Variants in DPP6 observed in about 807,000 individuals in gnomAD.
The protein encoded by DPP6 is A-type potassium channel modulatory protein DPP6.
DPP6 carries 69 observed loss-of-function variants against 122.6 expected under a neutral mutation model. The ratio of observed to expected loss-of-function variants is 0.56; its 90% confidence interval spans 0.46 to 0.69. DPP6 has a LOEUF of 0.69. Ranked by LOEUF, DPP6 falls within the 30% of genes least tolerant of loss-of-function variation. The pLI is 0.00. For missense variants in DPP6, 928 were observed against 1,116.9 expected (o/e 0.83, Z 2.41); for synonymous variants, 418 against 433.1 (o/e 0.97, Z 0.43).
intron 7 of DPP6, among the ~76,000 whole-genome samples, chr7:154,684,484 CA>C (rs1839479957): frequency 6.6e-6 from 1 of 152,192 alleles, no homozygotes; most frequent in Admixed American, 6.5e-5. Context: ...AGATGAAAAT[CA>C]ATTACTTTTT....
At chr7:153,943,149 C>G (rs1022987110) in intron 1 of DPP6, among the ~76,000 whole-genome samples, 1 of 151,984 alleles carries the variant, frequency 6.6e-6, no homozygotes, top group African/African-American at 2.4e-5. Flanking sequence ...TAAAAAGGAC[C>G]CAGAGTCAAT....
At chr7:154,063,599 A>AAGCAG (rs1563160330) in intron 1 of DPP6, among the ~76,000 whole-genome samples, 1 of 62,404 alleles carries the variant, frequency 1.6e-5, no homozygotes. Flanking sequence ...CCCCCATCGC[A>AAGCAG]GTGAGGGAGG....
chr7:154,664,153 A>G (rs1238602414), intron 6 of DPP6, among the ~76,000 whole-genome samples: 3 of 147,818 alleles, frequency 2.0e-5, no homozygotes, highest in African/African-American at 7.4e-5. Context: ...TAGTGTTCAT[A>G]TAGTCATGGT....
chr7:153,831,174 G>T, the DPP6 span, among the ~76,000 whole-genome samples: 1 of 152,190 alleles, frequency 6.6e-6, no homozygotes, highest in Non-Finnish European at 1.5e-5. Context: ...TGTAATAGAT[G>T]TCTACAGAGG....
chr7:154,020,640 T>G (rs1798653042), intron 1 of DPP6, among the ~76,000 whole-genome samples: 1 of 152,216 alleles, frequency 6.6e-6, no homozygotes, highest in Non-Finnish European at 1.5e-5. Context: ...GTTCAAGCTC[T>G]GAAAATTGCA....
At chr7:153,823,448 A>T in the DPP6 span, among the ~76,000 whole-genome samples, 1 of 146,188 alleles carries the variant, frequency 6.8e-6, no homozygotes, top group Non-Finnish European at 1.5e-5. Flanking sequence ...GGGGATGAAG[A>T]GTTGGGGTTG....
the DPP6 span, among the ~76,000 whole-genome samples, chr7:153,795,584 C>T: frequency 6.6e-6 from 1 of 151,924 alleles, no homozygotes; most frequent in Non-Finnish European, 1.5e-5. Context: ...CATTATTTTC[C>T]TAATTTCTAG....
chr7:154,101,885 G>A (rs78658198), intron 1 of DPP6, among the ~76,000 whole-genome samples: 11 of 134,780 alleles, frequency 8.2e-5, no homozygotes, highest in Non-Finnish European at 1.2e-4. Context: ...CCGAGATGGC[G>A]CCATTGCACT....
chr7:154,224,505 A>G (rs966595797), intron 1 of DPP6, among the ~76,000 whole-genome samples: 3 of 149,152 alleles, frequency 2.0e-5, no homozygotes, highest in Non-Finnish European at 4.4e-5. Flanking sequence ...TTGGTCTCCC[A>G]GGCCATTCCA....
chr7:154,892,470 A>G lies in DPP6; in HGVS notation c.2588A>G (p.Glu863Gly). The change falls in exon 26 of 26, where the codon GAG (glutamate) becomes GGG (glycine). Residue 863 changes from glutamate to glycine, a missense_variant. Glu to Gly is a moderately conservative substitution (Grantham distance 98). Transcript: ENST00000377770. ...ACAGTCACAGCGAAAGAGGACGAGGAGGAGGACTAAGCTCAGGTCGCTCTA... is the reference window on the plus strand; with the variant it reads ...ACAGTCACAGCGAAAGAGGACGAGGGGGAGGACTAAGCTCAGGTCGCTCTA... ...LLTVTAKEDE[E>G]ED 1 of 1,607,650 alleles carries G rather than the reference A, an allele frequency of 6.2e-7. No individual in the cohort carries two copies. The highest frequency in any genetic ancestry group is 8.5e-7 in the Non-Finnish European group (1 of 1,175,502).
At chr7:154,865,715 T>C (rs1803810961) in intron 17 of DPP6, among the ~76,000 whole-genome samples, 1 of 152,142 alleles carries the variant, frequency 6.6e-6, no homozygotes, top group African/African-American at 2.4e-5. Flanking sequence ...CTCTTACCGT[T>C]CAAGAGATCT....
chr7:153,919,344 C>T (rs767687126), intron 1 of DPP6, among the ~76,000 whole-genome samples: 2 of 152,102 alleles, frequency 1.3e-5, no homozygotes, highest in Non-Finnish European at 1.5e-5. Context: ...ATTCATCGTC[C>T]GAATGCCTGG....
chr7:153,974,245 T>A (rs1019884116), intron 1 of DPP6, among the ~76,000 whole-genome samples: 1 of 152,134 alleles, frequency 6.6e-6, no homozygotes, highest in African/African-American at 2.4e-5. Flanking sequence ...GTAACTTTCT[T>A]ATAGACAGTG....
In DPP6 at chr7:154,788,488, A is replaced by G. The variant is rs1269368516; in HGVS notation, c.1137-5591A>G. The stretch of plus-strand genomic sequence containing the variant: ...AAGATACACTTTAATACAAAAATAT[A>G]TTGGTTGTTAAAAAAACACATTGAA... On this transcript the variant is annotated intron_variant, in intron 10 of 25. Coordinates refer to ENST00000377770, the MANE Select transcript of DPP6 (RefSeq NM_130797.4). Among the ~76,000 whole-genome samples, 13 of 152,016 alleles carry G rather than the reference A, an allele frequency of 8.6e-5. 1 individual carries two copies. The highest frequency in any genetic ancestry group is 7.9e-4 in the Admixed American group (12 of 15,264).
intron 1 of DPP6, among the ~76,000 whole-genome samples, chr7:154,111,620 C>CGTGTGTGTGTGTGT (rs71309604): frequency 7.4e-6 from 1 of 135,002 alleles, no homozygotes; most frequent in Non-Finnish European, 1.6e-5. Flanking sequence ...GGCAGGGTTT[C>CGTGTGTGTGTGTGT]GTGTGTGTGT....
intron 1 of DPP6, among the ~76,000 whole-genome samples, chr7:154,412,158 C>G (rs1289714389): frequency 6.6e-6 from 1 of 152,158 alleles, no homozygotes; most frequent in Non-Finnish European, 1.5e-5. Context: ...GGGTTCTGCC[C>G]TCATGCCCTC....
At chr7:153,806,306 T>C in the DPP6 span, among the ~76,000 whole-genome samples, 31 of 152,022 alleles carry the variant, frequency 2.0e-4, 1 homozygote, top group Non-Finnish European at 4.4e-5. Context: ...GGAAGTCCCC[T>C]ATCCAGATGT....
chr7:154,481,583 T>C lies in DPP6; in HGVS notation c.457+6546T>C, dbSNP rs1373528406. ...ATCTGTTTACTCTCCTGACTCATCA[T>C]TGGCCATCTCCCCAGTTTTCTCTTA... is the stretch of plus-strand genomic sequence containing the variant. On this transcript the variant is annotated intron_variant, in intron 3 of 25. Transcript: ENST00000377770. This position sits in a 1 kb window ranked among gnomAD's most constrained non-coding sequence, Gnocchi z 4.2. Among the ~76,000 whole-genome samples, 1 of 151,174 alleles carries C rather than the reference T, an allele frequency of 6.6e-6. No homozygotes were observed. The highest frequency in any genetic ancestry group is 2.0e-4 in the East Asian group (1 of 5,052).
At chr7:154,634,701 CTCCTTCTTCT>C (rs2130912974) in intron 5 of DPP6, among the ~76,000 whole-genome samples, 1 of 152,080 alleles carries the variant, frequency 6.6e-6, no homozygotes, top group East Asian at 1.9e-4. Flanking sequence ...TCTCCTTCTT[CTCCTTCTTCT>C]TCCTTCTTCT....
Sources: gnomAD v4.1 joint callset for allele counts (sites outside exome capture counted in the v4.1 genomes callset) on GRCh38, gnomAD v4.1.1 for gene constraint, Gnocchi (gnomAD v3.1) non-coding constraint, MANE v1.5 for transcripts, NCBI Gene and HGNC (gene_info 2026-07-23, HGNC 2026-07-21) for gene names.